NHERF2: variants seen among roughly 807,000 people sequenced by gnomAD.
The protein encoded by NHERF2 is Na(+)/H(+) exchange regulatory cofactor NHE-RF2.
At chr16:2,037,458 G>T in the NHERF2 span, 217 of 1,272,080 alleles carry the variant, frequency 1.7e-4, no homozygotes, top group African/African-American at 2.8e-3. Context: ...CACTGGGGGG[G>T]GGTGTGCCTC....
At chr16:2,029,558 G>T in the NHERF2 span, 3 of 1,553,032 alleles carry the variant, frequency 1.9e-6, no homozygotes, top group Admixed American at 1.9e-5. Flanking sequence ...CCACTGACCC[G>T]CTCCTATCGC....
At chr16:2,029,703 TCCC>T in the NHERF2 span, 1 of 1,509,504 alleles carries the variant, frequency 6.6e-7, no homozygotes, top group Non-Finnish European at 9.0e-7. Flanking sequence ...CAGCGAGGGC[TCCC>T]ACCCGCCCAC....
the NHERF2 span, chr16:2,036,905 G>GGT: frequency 9.5e-5 from 151 of 1,592,730 alleles, 2 homozygotes; most frequent in Admixed American, 2.7e-3. Flanking sequence ...CAGGGCACAG[G>GGT]GTGGGTGCGG....
At chr16:2,035,791 T>A in the NHERF2 span, 1 of 652,672 alleles carries the variant, frequency 1.5e-6, no homozygotes, top group Non-Finnish European at 1.9e-6. Context: ...CCCCAGCCCC[T>A]GCTTGCTGGG....
At chr16:2,033,581 CACCAT>C in the NHERF2 span, 1 of 874,892 alleles carries the variant, frequency 1.1e-6, no homozygotes, top group Non-Finnish European at 1.7e-6. Flanking sequence ...GCTGGTGCGT[CACCAT>C]CTGGGGGGGT....
At chr16:2,027,703 A>AGT in the NHERF2 span, among the ~76,000 whole-genome samples, 1 of 152,034 alleles carries the variant, frequency 6.6e-6, no homozygotes. Flanking sequence ...TGTGTGCTGT[A>AGT]GTGTGTGTGT....
At chr16:2,036,203 G>GT in the NHERF2 span, 1 of 1,038,686 alleles carries the variant, frequency 9.6e-7, no homozygotes, top group Non-Finnish European at 1.4e-6. Flanking sequence ...TTGCCACTGA[G>GT]ACCTGGGCCT....
chr16:2,027,171 C>T, the NHERF2 span: 3 of 1,471,788 alleles, frequency 2.0e-6, no homozygotes, highest in East Asian at 8.8e-5. Context: ...TGGGGACCGC[C>T]TGGTCGAGGT....
At chr16:2,036,538 C>T in the NHERF2 span, 5 of 1,552,850 alleles carry the variant, frequency 3.2e-6, no homozygotes, top group African/African-American at 2.7e-5. Context: ...GTGCCGAGTG[C>T]CCCGCACCTG....
the NHERF2 span, chr16:2,038,715 G>C: frequency 5.1e-6 from 1 of 194,656 alleles, no homozygotes; most frequent in Non-Finnish European, 1.0e-5. Flanking sequence ...CCTGCTGGGG[G>C]CCTGGGCTCT....
At chr16:2,032,671 C>A in the NHERF2 span, 3 of 283,182 alleles carry the variant, frequency 1.1e-5, no homozygotes, top group African/African-American at 6.8e-5. The surrounding 1 kb of genome is among the most constrained non-coding windows in gnomAD (Gnocchi z 4.0). Context: ...ATGTGGTTGG[C>A]CCCTCCTTTT....
At chr16:2,027,155 G>A in the NHERF2 span, 8 of 1,475,368 alleles carry the variant, frequency 5.4e-6, no homozygotes, top group African/African-American at 1.0e-4. Flanking sequence ...CCGCCGCGCT[G>A]CGCGCTGGGG....
the NHERF2 span, chr16:2,037,667 G>A: frequency 1.9e-6 from 3 of 1,576,844 alleles, no homozygotes; most frequent in Non-Finnish European, 2.6e-6. Flanking sequence ...AGGCGTCTGT[G>A]GAGATGTCAG....
At chr16:2,028,646 G>C in the NHERF2 span, among the ~76,000 whole-genome samples, 2 of 152,168 alleles carry the variant, frequency 1.3e-5, no homozygotes, top group South Asian at 4.1e-4. Context: ...CATGGGGAGA[G>C]AGGAGGGCTG....
At chr16:2,031,814 C>T in the NHERF2 span, among the ~76,000 whole-genome samples, 1 of 152,250 alleles carries the variant, frequency 6.6e-6, no homozygotes, top group East Asian at 1.9e-4. Flanking sequence ...GCCTCACCCT[C>T]CCCAGTAGCT....
the NHERF2 span, among the ~76,000 whole-genome samples, chr16:2,031,600 A>T: frequency 2.0e-5 from 3 of 151,976 alleles, no homozygotes; most frequent in South Asian, 6.2e-4. Flanking sequence ...CTCTGGGTGT[A>T]TTTTTAGAGG....
At chr16:2,027,021 C>A in the NHERF2 span, 1 of 1,194,280 alleles carries the variant, frequency 8.4e-7, no homozygotes, top group Non-Finnish European at 1.0e-6. Context: ...CGCGCCGGAG[C>A]CGCTGCGGCC....
the NHERF2 span, chr16:2,035,737 G>C: frequency 1.0e-6 from 1 of 961,474 alleles, no homozygotes; most frequent in Admixed American, 6.2e-5. Context: ...GGGTCCTTCC[G>C]GGCACCAGGA....
At chr16:2,036,585 G>A in the NHERF2 span, 11 of 1,516,216 alleles carry the variant, frequency 7.3e-6, 1 homozygote, top group South Asian at 1.3e-4. Flanking sequence ...AGGGAGGAGG[G>A]AGACGCTGGG....
Sources: gnomAD v4.1 joint callset for allele counts (sites outside exome capture counted in the v4.1 genomes callset) on GRCh38, gnomAD v4.1.1 for gene constraint, Gnocchi (gnomAD v3.1) non-coding constraint, MANE v1.5 for transcripts, NCBI Gene and HGNC (gene_info 2026-07-23, HGNC 2026-07-21) for gene names.